Variants in ZNF267 observed in about 807,000 individuals in gnomAD.
ZNF267 encodes the protein zinc finger protein 267.
In ZNF267, 61 loss-of-function variants were observed where a neutral mutation model predicts 71.6. The ratio of observed to expected loss-of-function variants is 0.85; its 90% CI spans 0.69 to 1.05. ZNF267 has a LOEUF of 1.05. Among genes scored for constraint, ZNF267 ranks in the 50% least tolerant of loss-of-function variants. The probability of loss-of-function intolerance (pLI) is 0.00; values close to 1 mark genes in which losing one functional copy is unlikely to be tolerated. For missense variants in ZNF267, 852 were observed against 870.0 expected (o/e 0.98, Z 0.26); for synonymous variants, 288 against 293.2 (o/e 0.98, Z 0.18).
chr16:31,890,254 T>C (rs2083951525), intron 3 of ZNF267: 1 of 152,230 alleles, frequency 6.6e-6, no homozygotes, highest in South Asian at 2.1e-4. Context: ...ACCACAGGTA[T>C]GTTAATGTTT....
chr16:31,883,080 A>C (rs2083900804), intron 1 of ZNF267, among the ~76,000 whole-genome samples: 1 of 152,180 alleles, frequency 6.6e-6, no homozygotes, highest in Non-Finnish European at 1.5e-5. Flanking sequence ...ATTTTATTTC[A>C]TCTCATGTCA....
chr16:31,894,335 C>CCAA (rs2083981596), intron 3 of ZNF267, among the ~76,000 whole-genome samples: 1 of 152,226 alleles, frequency 6.6e-6, no homozygotes, highest in Non-Finnish European at 1.5e-5. Context: ...ATTTCTTGGA[C>CCAA]CACACTTACT....
intron 3 of ZNF267, among the ~76,000 whole-genome samples, chr16:31,903,880 G>A (rs534117534): frequency 1.3e-5 from 2 of 152,206 alleles, no homozygotes; most frequent in Non-Finnish European, 2.9e-5. Context: ...TGTGATGTTA[G>A]GGTGTCAATT....
At chr16:31,891,797 A>G (rs2083962185) in intron 3 of ZNF267, among the ~76,000 whole-genome samples, 1 of 152,196 alleles carries the variant, frequency 6.6e-6, no homozygotes, top group Non-Finnish European at 1.5e-5. Context: ...CTGTGTCTTT[A>G]TCAGCAGTTA....
chr16:31,915,283 C>T lies in ZNF267; in HGVS notation c.1034C>T (p.Thr345Ile), dbSNP rs1668434411. The change falls in exon 4 of 4, where the codon ACC (threonine) becomes ATC (isoleucine). Residue 345 changes from threonine (T) to isoleucine (I), a missense_variant. Transcript: ENST00000300870. ...LHLTQHQIIPTEEKPCKWKEC... is the reference protein window; with the variant it reads ...LHLTQHQIIPIEEKPCKWKEC... ...CTTACTCAACATCAGATCATTCCTA[C>T]CGAAGAGAAACCCTGTAAATGGAAA... The T allele has an allele frequency of 6.2e-7, 1 of 1,613,802 alleles. No homozygotes were observed. Among genetic ancestry groups the T allele is most frequent in the Non-Finnish European group, 8.5e-7 (1 of 1,179,818 alleles).
chr16:31,874,183 C>G (rs1409328186), intron 1 of ZNF267: 4 of 529,094 alleles, frequency 7.6e-6, no homozygotes, highest in African/African-American at 2.0e-5. Context: ...CCATCCCGAC[C>G]CCGCAGAGCG....
intron 3 of ZNF267, chr16:31,894,691 C>T (rs968631991): frequency 1.5e-5 from 7 of 476,894 alleles, no homozygotes; most frequent in Middle Eastern, 4.0e-4. Context: ...CCTGAGATAC[C>T]GCTCATGCCT....
intron 3 of ZNF267, among the ~76,000 whole-genome samples, chr16:31,908,167 C>T (rs1012027627): frequency 7.9e-5 from 12 of 152,154 alleles, no homozygotes; most frequent in African/African-American, 2.9e-4. Context: ...CTGCAGTGAG[C>T]GGTGATTGTG....
Position 31,914,747 on chromosome 16 carries a change from G to T in ZNF267, c.498G>T (p.Arg166Ser). ...CAKSYNFDQY[R>S]KVFTHSSLLN... is the part of the protein sequence containing the mutation. ...AAAGCTATAACTTTGATCAATATAG[G>T]AAGGTCTTTACTCATTCATCATTGC... Residue 166 changes from arginine to serine, a missense_variant, in exon 4 of 4, where the codon AGG (arginine) becomes AGT (serine). Physicochemically the swap from Arg to Ser is moderately radical, Grantham distance 110. Transcript: ENST00000300870. 6.2e-7 allele frequency: 1 copy of T among 1,614,036 alleles called. No individual in the cohort carries two copies. The highest frequency in any genetic ancestry group is 8.5e-7 in the Non-Finnish European group (1 of 1,180,004).
intron 3 of ZNF267, among the ~76,000 whole-genome samples, chr16:31,901,290 A>T (rs1596624338): frequency 6.6e-6 from 1 of 151,974 alleles, no homozygotes; most frequent in Admixed American, 6.6e-5. Flanking sequence ...GAGCAGCATG[A>T]TTTATAATCC....
At chr16:31,903,301 T>G (rs1250564917) in intron 3 of ZNF267, among the ~76,000 whole-genome samples, 1 of 152,258 alleles carries the variant, frequency 6.6e-6, no homozygotes, top group Non-Finnish European at 1.5e-5. Context: ...GCTGGCCTGA[T>G]AAAATGAGTT....
rs778862621 is a variant in ZNF267 at position 31,916,042 on chromosome 16, A to G, written c.1793A>G (p.His598Arg). 3.7e-6 allele frequency: 6 copies of G among 1,613,972 alleles called. No individual in the cohort carries two copies. Among genetic ancestry groups the G allele is most frequent in the Non-Finnish European group, 4.2e-6 (5 of 1,180,024 alleles). ...SSGLTVHRRT[H>R]TGEKPYTCKE... ...GGTCTTACTGTGCATCGGCGAACTC[A>G]TACTGGAGAGAAACCCTATACATGT... Residue 598 changes from histidine to arginine, a missense_variant, in exon 4 of 4, where the codon CAT becomes CGT. Coordinates refer to ENST00000300870, the MANE Select transcript of ZNF267 (RefSeq NM_003414.6).
At chr16:31,885,859 C>CT (rs1295500744) in intron 3 of ZNF267, among the ~76,000 whole-genome samples, 1 of 152,076 alleles carries the variant, frequency 6.6e-6, no homozygotes, top group Non-Finnish European at 1.5e-5. Context: ...CTCACCTGAA[C>CT]TAAGATGAGA....
intron 1 of ZNF267, 78 bp downstream of exon 1, chr16:31,874,047 C>A (rs1368647271): frequency 1.3e-6 from 2 of 1,500,600 alleles, no homozygotes; most frequent in East Asian, 4.6e-5. Flanking sequence ...TGTAGGGGCA[C>A]CCGGGCCTCC....
In ZNF267 at chr16:31,915,457, C is replaced by T; in HGVS notation, c.1208C>T (p.Thr403Ile). 6 of 1,613,862 alleles carry T rather than the reference C, an allele frequency of 3.7e-6. No individual in the cohort carries two copies. The highest frequency in any genetic ancestry group is 5.1e-6 in the Non-Finnish European group (6 of 1,179,918). The change falls in exon 4 of 4, where the codon ACT (threonine) becomes ATT (isoleucine). Residue 403 changes from threonine (T) to isoleucine (I), a missense_variant. Coordinates refer to ENST00000300870, the MANE Select transcript of ZNF267 (RefSeq NM_003414.6). ...CTTATTGTGCATCAGAGAATTCACA[C>T]TGGAGAGAAACCATACAAATGTAAA... ...SNLIVHQRIH[T>I]GEKPYKCKEC...
chr16:31,914,452 T>G (rs1248676138), intron 3 of ZNF267, 24 bp from the exon 4 acceptor site: 2 of 1,530,510 alleles, frequency 1.3e-6, no homozygotes, highest in Non-Finnish European at 1.8e-6. Context: ...TAATTGGAAT[T>G]CTTAAAATTT....
intron 1 of ZNF267, among the ~76,000 whole-genome samples, chr16:31,884,064 A>C (rs2083907767): frequency 6.6e-6 from 1 of 152,194 alleles, no homozygotes; most frequent in Non-Finnish European, 1.5e-5. Context: ...AAAATATGGA[A>C]ATGCAGAAAC....
chr16:31,912,912 C>CA (rs2084145891), intron 3 of ZNF267: 1 of 148,126 alleles, frequency 6.8e-6, no homozygotes, highest in African/African-American at 2.7e-5. Context: ...AATTCCTTCT[C>CA]TATTTTATCT....
At position 31,916,225 on chromosome 16, in the gene ZNF267, C is replaced by G; in HGVS notation, c.1976C>G (p.Pro659Arg). The change falls in exon 4 of 4, where the codon CCC becomes CGC. Residue 659 changes from proline (P) to arginine (R), a missense_variant. By Grantham distance (103) the Pro-to-Arg change is moderately radical. Coordinates refer to ENST00000300870, the MANE Select transcript of ZNF267 (RefSeq NM_003414.6). ...THQRSHTGER[P>R]YKCEECGKAF... ...CAGAGAAGTCATACTGGAGAGAGAC[C>G]CTACAAATGTGAAGAATGTGGCAAA... is the stretch of plus-strand genomic sequence containing the variant. 6.2e-7 allele frequency: 1 copy of G among 1,613,750 alleles called. No homozygotes were observed. Among genetic ancestry groups the G allele is most frequent in the Non-Finnish European group, 8.5e-7 (1 of 1,179,944 alleles).
Sources: gnomAD v4.1 joint callset for allele counts (sites outside exome capture counted in the v4.1 genomes callset) on GRCh38, gnomAD v4.1.1 for gene constraint, MANE v1.5 for transcripts, NCBI Gene and HGNC (gene_info 2026-07-23, HGNC 2026-07-21) for gene names.